TNR: variants seen among roughly 807,000 people sequenced by gnomAD.
TNR encodes the protein tenascin R.
A neutral mutation model predicts 150.4 loss-of-function variants in TNR; 45 were observed. The ratio of observed to expected loss-of-function variants is 0.30; its 90% CI spans 0.24 to 0.38. The LOEUF (loss-of-function observed/expected upper bound fraction) is 0.38, where lower values mean the gene tolerates loss of function less well. Ranked by LOEUF, TNR falls within the 10% of genes least tolerant of loss-of-function variation. The pLI is 1.00. For missense variants in TNR, 1,544 were observed against 1,759.1 expected (o/e 0.88, Z 2.19); for synonymous variants, 687 against 678.4 (o/e 1.01, Z -0.20).
rs749050866 is a variant in TNR, at chr1:175,396,661, C to T, written c.1123G>A (p.Gly375Arg). Residue 375 changes from glycine (G) to arginine (R), a missense_variant, in exon 5 of 23, where the codon GGA (glycine) becomes AGA (arginine). By Grantham distance (125) the Gly-to-Arg change is moderately radical. Around this residue, in one of 2 missense-constraint regions of TNR, gnomAD observed 1,254 missense variants for 1,329.4 expected, o/e 0.94. Coordinates refer to ENST00000367674, the MANE Select transcript of TNR (RefSeq NM_003285.3). The stretch of plus-strand genomic sequence containing the variant: ...GTGATGGTGACACCACTCCAATCTC[C>T]AGGCACCCGCTGCTGGAGCTGGAGG... ...GGLQLQQRVPGDWSGVTITEL... is the reference protein window; with the variant it reads ...GGLQLQQRVPRDWSGVTITEL... 2 of 1,614,102 alleles carry T rather than the reference C, an allele frequency of 1.2e-6. No individual in the cohort carries two copies. Among genetic ancestry groups the T allele is most frequent in the African/African-American group, 1.3e-5 (1 of 74,940 alleles).
In TNR at chr1:175,366,148, G is replaced by T; in HGVS notation, c.2054-10C>A. 1 of 1,580,990 alleles carries T rather than the reference G, an allele frequency of 6.3e-7. No individual in the cohort carries two copies. Among genetic ancestry groups the T allele is most frequent in the South Asian group, 1.2e-5 (1 of 84,876 alleles). ...CGGGGACTGTCAAGTTCTGTGGATT[G>T]ACATAAATGGCCTATTTTACATGTG... On this transcript the variant is annotated splice_polypyrimidine_tract_variant and intron_variant, in intron 10 of 22. Transcript: ENST00000367674.
chr1:175,447,676 G>T (rs746526917), intron 2 of TNR, among the ~76,000 whole-genome samples: 23 of 151,950 alleles, frequency 1.5e-4, no homozygotes, highest in East Asian at 3.9e-4. Context: ...TCTCTTTTTT[G>T]TTGTTGTTGT....
chr1:175,512,073 T>TA (rs1252711861), intron 2 of TNR, among the ~76,000 whole-genome samples: 2 of 152,114 alleles, frequency 1.3e-5, no homozygotes, highest in African/African-American at 4.8e-5. Context: ...AAATATTCAT[T>TA]AAAAAAATTC....
intron 2 of TNR, among the ~76,000 whole-genome samples, chr1:175,523,258 G>A (rs943426170): frequency 6.6e-6 from 1 of 152,110 alleles, no homozygotes; most frequent in Non-Finnish European, 1.5e-5. Context: ...CAAAGGTAGT[G>A]GGGCATTGTG....
At chr1:175,538,169 G>A (rs554507096) in intron 1 of TNR, among the ~76,000 whole-genome samples, 1 of 152,266 alleles carries the variant, frequency 6.6e-6, no homozygotes, top group East Asian at 1.9e-4. Flanking sequence ...CCATGGCTAG[G>A]GTGTTCACAG....
intron 1 of TNR, among the ~76,000 whole-genome samples, chr1:175,551,289 C>G (rs1177863145): frequency 6.6e-6 from 1 of 152,138 alleles, no homozygotes; most frequent in African/African-American, 2.4e-5. Flanking sequence ...TATACTCAAT[C>G]AAATTACTTA....
chr1:175,372,046 T>TCAC (rs1652131235), intron 9 of TNR, among the ~76,000 whole-genome samples: 1 of 152,114 alleles, frequency 6.6e-6, no homozygotes. Context: ...CTCCAGATAG[T>TCAC]GAGTGAGTTC....
chr1:175,532,392 A>G (rs745614649), intron 1 of TNR, among the ~76,000 whole-genome samples: 1 of 152,190 alleles, frequency 6.6e-6, no homozygotes, highest in Non-Finnish European at 1.5e-5. Context: ...TTCTGCTTCT[A>G]AATAAACAAG....
intron 14 of TNR, among the ~76,000 whole-genome samples, 171 bp downstream of exon 14, chr1:175,362,492 A>G (rs572220322): frequency 1.3e-5 from 2 of 152,252 alleles, no homozygotes; most frequent in African/African-American, 4.8e-5. Flanking sequence ...GTTTAGTATT[A>G]GGGAGGAATA....
chr1:175,414,972 T>G (rs1361279774), intron 2 of TNR, among the ~76,000 whole-genome samples: 4 of 146,734 alleles, frequency 2.7e-5, no homozygotes, highest in Non-Finnish European at 4.5e-5. Flanking sequence ...GGAGGGAGAA[T>G]GAAATGAGCG....
intron 21 of TNR, among the ~76,000 whole-genome samples, chr1:175,328,314 T>C (rs1255806694): frequency 6.6e-6 from 1 of 152,224 alleles, no homozygotes; most frequent in Non-Finnish European, 1.5e-5. Context: ...TAATTTTCAG[T>C]TCTGATCCAA....
intron 9 of TNR, among the ~76,000 whole-genome samples, chr1:175,369,316 G>A (rs961799567): frequency 7.2e-5 from 11 of 152,128 alleles, no homozygotes; most frequent in Non-Finnish European, 7.3e-5. Flanking sequence ...TCAAGGTGTC[G>A]CCAGGACCAT....
chr1:175,325,892 T>A (rs1302682331), intron 21 of TNR, among the ~76,000 whole-genome samples: 1 of 151,978 alleles, frequency 6.6e-6, no homozygotes, highest in Non-Finnish European at 1.5e-5. Context: ...GGGGGAGGGA[T>A]AGCATTAGGA....
At chr1:175,658,857 G>A (rs1382416133) in intron 1 of TNR, among the ~76,000 whole-genome samples, 1 of 152,342 alleles carries the variant, frequency 6.6e-6, no homozygotes, top group Non-Finnish European at 1.5e-5. Flanking sequence ...TAGAGGAAGA[G>A]AGGGAAGAAA....
At chr1:175,474,738 T>G (rs1657471197) in intron 2 of TNR, among the ~76,000 whole-genome samples, 1 of 152,224 alleles carries the variant, frequency 6.6e-6, no homozygotes, top group East Asian at 1.9e-4. Context: ...AGAGGGAACA[T>G]GCTGCATGAG....
At chr1:175,650,861 C>CAT (rs1245544113) in intron 1 of TNR, among the ~76,000 whole-genome samples, 10 of 115,510 alleles carry the variant, frequency 8.7e-5, no homozygotes, top group Middle Eastern at 4.9e-3. Flanking sequence ...ACCCATCTCC[C>CAT]ACCTCATTCC....
intron 1 of TNR, among the ~76,000 whole-genome samples, chr1:175,736,381 C>T (rs1334191047): frequency 2.0e-5 from 3 of 152,018 alleles, no homozygotes; most frequent in African/African-American, 4.8e-5. Flanking sequence ...ATTAGTGGGG[C>T]GTGGTGGCCG....
At chr1:175,446,998 G>A (rs1450507931) in intron 2 of TNR, among the ~76,000 whole-genome samples, 1 of 152,160 alleles carries the variant, frequency 6.6e-6, no homozygotes, top group East Asian at 1.9e-4. Flanking sequence ...GGGCATATGT[G>A]TTATGTTTAC....
At chr1:175,603,331 C>T (rs1663309518) in intron 1 of TNR, among the ~76,000 whole-genome samples, 1 of 152,202 alleles carries the variant, frequency 6.6e-6, no homozygotes, top group African/African-American at 2.4e-5. Flanking sequence ...GAGTTTGCTT[C>T]AAGCCCAGGC....
Sources: gnomAD v4.1 joint callset for allele counts (sites outside exome capture counted in the v4.1 genomes callset) on GRCh38, gnomAD v4.1.1 for gene constraint, gnomAD v4.1.1 regional missense constraint, MANE v1.5 for transcripts, NCBI Gene and HGNC (gene_info 2026-07-23, HGNC 2026-07-21) for gene names.